Variants in ANKRD63 observed in about 807,000 individuals in gnomAD.
The protein encoded by ANKRD63 is ankyrin repeat domain-containing protein 63.
In ANKRD63, 18 loss-of-function variants were observed where a neutral mutation model predicts 21.2. That is an observed-to-expected ratio of 0.85 (90% CI 0.59 to 1.26). The LOEUF (loss-of-function observed/expected upper bound fraction) is 1.26, where lower values mean the gene tolerates loss of function less well. ANKRD63 is among the 50% of genes most tolerant of loss of function. The probability of loss-of-function intolerance (pLI) is 0.00; values close to 1 mark genes in which losing one functional copy is unlikely to be tolerated. For synonymous variants in ANKRD63, 322 were observed against 273.3 expected, an observed-to-expected ratio of 1.18 and a Z score of -1.76; for missense variants, 523 against 570.9, an observed-to-expected ratio of 0.92 and a Z score of 0.85.
Position 40,281,452 on chromosome 15 carries a change from G to A in ANKRD63, c.1135C>T (p.Gln379Ter). The change falls in exon 1 of 1, where the codon CAG becomes TAG. Residue 379 changes from glutamine to a stop codon, truncating the protein, a stop_gained. Transcript: ENST00000434396. LOFTEE classifies it high-confidence loss of function. ...AGTEAVVLRA[Q>*]R ...TCGGGCCTTGGCGCCGTTTACCGCT[G>A]AGCACGCAGCACCACAGCCTCGGTG... 1 of 1,412,142 alleles carries A rather than the reference G, an allele frequency of 7.1e-7. No homozygotes were observed. The highest frequency in any genetic ancestry group is 9.2e-7 in the Non-Finnish European group (1 of 1,088,078). 87.5% of individuals were successfully genotyped at this position (1,412,142 alleles called of 1,614,324 possible).
At position 40,281,738 on chromosome 15, in the gene ANKRD63, C is replaced by A. The variant is rs1013156683; in HGVS notation, c.849G>T (p.Ser283=). The change falls in exon 1 of 1, where the codon TCG becomes TCT. Residue 283 remains serine, a synonymous_variant. Transcript: ENST00000434396. ...ACCGCCCAGTCCCCGAAGACTGGGGCGAGTTTGGTAGGGCCATCAGGGCCC... is the reference window on the plus strand; with the variant it reads ...ACCGCCCAGTCCCCGAAGACTGGGGAGAGTTTGGTAGGGCCATCAGGGCCC... The part of the protein sequence containing the change: ...RAGALMALPN[S]PQSSGTGRWR... 63 of 1,535,006 alleles carry A rather than the reference C, an allele frequency of 4.1e-5. No homozygotes were observed. In the African/African-American group the frequency reaches 7.8e-4, roughly 19 times the overall value.
chr15:40,282,394 G>T lies in ANKRD63; in HGVS notation c.193C>A (p.Arg65Ser). The change falls in exon 1 of 1, where the codon CGC becomes AGC. Residue 65 changes from arginine (R) to serine (S), a missense_variant. Coordinates refer to ENST00000434396, the MANE Select transcript of ANKRD63 (RefSeq NM_001190479.3). ...TGCTCGAGCAGCAGCCGCACGAAGC[G>T]CGCGCGCAGCGCGGGGTCCGGCAGC... is the stretch of plus-strand genomic sequence containing the variant. ...VGLPDPALRA[R>S]FVRLLLEQGA... is the part of the protein sequence containing the mutation. The T allele has an allele frequency of 6.7e-7, 1 of 1,499,250 alleles. No homozygotes were observed. The highest frequency in any genetic ancestry group is 8.8e-7 in the Non-Finnish European group (1 of 1,133,464). The allele number at this position is 1,499,250 out of a possible 1,614,324, so 92.9% of individuals were successfully genotyped here. A position where few individuals can be genotyped will look rare whatever the true frequency, so the allele number is the denominator to read the frequency against.
chr15:40,279,574 G>A lies in ANKRD63; in HGVS notation c.*1870C>T, dbSNP rs2039519454. Among the ~76,000 whole-genome samples, 1 of 152,208 alleles carries A rather than the reference G, an allele frequency of 6.6e-6. No individual in the cohort carries two copies. The highest frequency in any genetic ancestry group is 1.5e-5 in the Non-Finnish European group (1 of 68,028). Reference sequence around the variant, plus strand: ...GGGAGGGCCCAGCGCTGCCACCAGGGGGCACCAGAGATCACGTCCAGTGCG... The same window carrying A: ...GGGAGGGCCCAGCGCTGCCACCAGGAGGCACCAGAGATCACGTCCAGTGCG... On this transcript the variant is annotated 3_prime_UTR_variant, in exon 1 of 1. Transcript: ENST00000434396.
At position 40,278,497 on chromosome 15, in the gene ANKRD63, T is replaced by A. The variant is rs2039506995; in HGVS notation, c.*2947A>T. On this transcript the variant is annotated 3_prime_UTR_variant, in exon 1 of 1. Transcript: ENST00000434396. ...CTCACACACACACCACTTCTGATCT[T>A]AGGGTACCAAGTGCCAGCATCCTGG... is the stretch of plus-strand genomic sequence containing the variant. Among the ~76,000 whole-genome samples, 2 of 152,174 alleles carry A rather than the reference T, an allele frequency of 1.3e-5. No homozygotes were observed. Among genetic ancestry groups the A allele is most frequent in the African/African-American group, 2.4e-5 (1 of 41,432 alleles).
In ANKRD63 at chr15:40,280,492, G is replaced by A. The variant is rs1230625440; in HGVS notation, c.*952C>T. Among the ~76,000 whole-genome samples, 1 of 152,266 alleles carries A rather than the reference G, an allele frequency of 6.6e-6. No homozygotes were observed. The highest frequency in any genetic ancestry group is 2.4e-5 in the African/African-American group (1 of 41,470). On this transcript the variant is annotated 3_prime_UTR_variant, in exon 1 of 1. Transcript: ENST00000434396. ...ACAATTAAGCACAGCCTTCGCAACCGTTCCACCCCGCGGGAGCACCCACGT... is the reference window on the plus strand; with the variant it reads ...ACAATTAAGCACAGCCTTCGCAACCATTCCACCCCGCGGGAGCACCCACGT...
In ANKRD63 at chr15:40,279,548, G is replaced by A. The variant is rs550461436; in HGVS notation, c.*1896C>T. 5.3e-4 allele frequency among the ~76,000 whole-genome samples: 80 copies of A among 152,332 alleles called. 1 individual carries two copies. The South Asian group carries it at 0.016, about 30-fold the overall frequency. ...TCTGAGCTCCGAGCCGGGGCGCAGC[G>A]GGGAGGGCCCAGCGCTGCCACCAGG... On this transcript the variant is annotated 3_prime_UTR_variant, in exon 1 of 1. Transcript: ENST00000434396.
chr15:40,282,653 G>T lies in ANKRD63; in HGVS notation c.-67C>A. ...GGGGGCGCCCCTGTTCTCGCGCCCC[G>T]CGGGGCTCCGGCCTCCGCCCGCGCT... On this transcript the variant is annotated 5_prime_UTR_variant, in exon 1 of 1. Transcript: ENST00000434396. 8.0e-7 allele frequency: 1 copy of T among 1,245,752 alleles called. No individual in the cohort carries two copies. Among genetic ancestry groups the T allele is most frequent in the Non-Finnish European group, 1.0e-6 (1 of 965,068 alleles). 77.2% of individuals were successfully genotyped at this position (1,245,752 alleles called of 1,614,324 possible). A position where few individuals can be genotyped will look rare whatever the true frequency, so the allele number is the denominator to read the frequency against.
rs544618515 is a variant in ANKRD63, at chr15:40,279,532, C to G, written c.*1912G>C. ...AAAGAAAACCAGGATGTCTGAGCTCCGAGCCGGGGCGCAGCGGGGAGGGCC... is the reference window on the plus strand; with the variant it reads ...AAAGAAAACCAGGATGTCTGAGCTCGGAGCCGGGGCGCAGCGGGGAGGGCC... On this transcript the variant is annotated 3_prime_UTR_variant, in exon 1 of 1. Transcript: ENST00000434396. 6.6e-6 allele frequency among the ~76,000 whole-genome samples: 1 copy of G among 152,192 alleles called. No homozygotes were observed. The highest frequency in any genetic ancestry group is 6.5e-5 in the Admixed American group (1 of 15,284).
chr15:40,281,298 G>T lies in ANKRD63; in HGVS notation c.*146C>A. 2 of 565,388 alleles carry T rather than the reference G, an allele frequency of 3.5e-6. No homozygotes were observed. Among genetic ancestry groups the T allele is most frequent in the Non-Finnish European group, 5.7e-6 (2 of 353,748 alleles). 35.0% of individuals were successfully genotyped at this position (565,388 alleles called of 1,614,324 possible). On this transcript the variant is annotated 3_prime_UTR_variant, in exon 1 of 1. Transcript: ENST00000434396. Reference sequence around the variant, plus strand: ...GTCCCTTATTTCTGGTGGAGGGCTGGTGGAGGTCTCGCCTTGGCAGGGAGG... The same window carrying T: ...GTCCCTTATTTCTGGTGGAGGGCTGTTGGAGGTCTCGCCTTGGCAGGGAGG...
rs2039562696 is a variant in ANKRD63 at position 40,282,902 on chromosome 15, C to T, written c.-316G>A. Among the ~76,000 whole-genome samples, 1 of 152,174 alleles carries T rather than the reference C, an allele frequency of 6.6e-6. No homozygotes were observed. The highest frequency in any genetic ancestry group is 2.1e-4 in the South Asian group (1 of 4,836). On this transcript the variant is annotated 5_prime_UTR_variant, in exon 1 of 1. Coordinates refer to ENST00000434396, the MANE Select transcript of ANKRD63 (RefSeq NM_001190479.3). Reference sequence around the variant, plus strand: ...CGGGAGCAGAGACTCGACCCTCTCCCGAGTCTCTCGCCGCTTTCCCGGTGT... The same window carrying T: ...CGGGAGCAGAGACTCGACCCTCTCCTGAGTCTCTCGCCGCTTTCCCGGTGT...
chr15:40,278,844 T>C lies in ANKRD63; in HGVS notation c.*2600A>G, dbSNP rs2141002314. On this transcript the variant is annotated 3_prime_UTR_variant, in exon 1 of 1. Transcript: ENST00000434396. The stretch of plus-strand genomic sequence containing the variant: ...CCACAGAGAAGAGCCCTCATGGTTG[T>C]TTATCCAGTCAAGAGGGCCCAGGGT... 6.6e-6 allele frequency among the ~76,000 whole-genome samples: 1 copy of C among 152,138 alleles called. No individual in the cohort carries two copies. The highest frequency in any genetic ancestry group is 2.4e-5 in the African/African-American group (1 of 41,520).
chr15:40,282,388 C>T lies in ANKRD63; in HGVS notation c.199G>A (p.Val67Met), dbSNP rs998272734. 5.7e-5 allele frequency: 86 copies of T among 1,498,162 alleles called. No individual in the cohort carries two copies. Among genetic ancestry groups the T allele is most frequent in the Non-Finnish European group, 7.5e-5 (85 of 1,133,060 alleles). 92.8% of individuals were successfully genotyped at this position (1,498,162 alleles called of 1,614,324 possible). A position where few individuals can be genotyped will look rare whatever the true frequency, so the allele number is the denominator to read the frequency against. ...GCACCCTGCTCGAGCAGCAGCCGCA[C>T]GAAGCGCGCGCGCAGCGCGGGGTCC... ...LPDPALRARF[V>M]RLLLEQGAAV... Residue 67 changes from valine to methionine, a missense_variant, in exon 1 of 1, where the codon GTG (valine) becomes ATG (methionine). By Grantham distance (21) the Val-to-Met change is conservative. Around this residue, in one of 2 missense-constraint regions of ANKRD63, gnomAD observed 215 missense variants for 280.4 expected, o/e 0.77. Transcript: ENST00000434396.
rs1458122536 is a variant in ANKRD63 at position 40,278,759 on chromosome 15, G to A, written c.*2685C>T. On this transcript the variant is annotated 3_prime_UTR_variant, in exon 1 of 1. Transcript: ENST00000434396. Reference sequence around the variant, plus strand: ...TCAGACACACGATGCAGTTCAGACAGGAAAGAGCCGCTGCAGTTGTTTAGA... The same window carrying A: ...TCAGACACACGATGCAGTTCAGACAAGAAAGAGCCGCTGCAGTTGTTTAGA... 6.6e-6 allele frequency among the ~76,000 whole-genome samples: 1 copy of A among 152,170 alleles called. No homozygotes were observed. The highest frequency in any genetic ancestry group is 2.4e-5 in the African/African-American group (1 of 41,440).
Position 40,281,513 on chromosome 15 carries a change from A to C in ANKRD63, c.1074T>G (p.Ser358=). Reference sequence around the variant, plus strand: ...AAGGGTTCGGCCCAGGCACCGAGACAGACAGAGCGTTGGCCTCTAACTCCG... The same window carrying C: ...AAGGGTTCGGCCCAGGCACCGAGACCGACAGAGCGTTGGCCTCTAACTCCG... The part of the protein sequence containing the change: ...SGPELEANAL[S]VSVPGPNPWQ... Residue 358 remains serine, a synonymous_variant, in exon 1 of 1, where the codon TCT becomes TCG. Coordinates refer to ENST00000434396, the MANE Select transcript of ANKRD63 (RefSeq NM_001190479.3). The C allele has an allele frequency of 6.7e-7, 1 of 1,500,640 alleles. No individual in the cohort carries two copies. Among genetic ancestry groups the C allele is most frequent in the Non-Finnish European group, 8.9e-7 (1 of 1,129,434 alleles). 93.0% of individuals were successfully genotyped at this position (1,500,640 alleles called of 1,614,324 possible).
chr15:40,280,143 G>A lies in ANKRD63; in HGVS notation c.*1301C>T, dbSNP rs532657564. 7.2e-5 allele frequency among the ~76,000 whole-genome samples: 11 copies of A among 152,372 alleles called. No individual in the cohort carries two copies. The East Asian group carries it at 1.5e-3, about 21-fold the overall frequency. On this transcript the variant is annotated 3_prime_UTR_variant, in exon 1 of 1. Transcript: ENST00000434396. ...CGTCCCACGCGGTAGGACCAAGGCA[G>A]GAGTCCCGGGTCTCGAACTCTAGCA...
rs1200844376 is a variant in ANKRD63, at chr15:40,282,606, G to A, written c.-20C>T. 2 of 1,372,066 alleles carry A rather than the reference G, an allele frequency of 1.5e-6. No individual in the cohort carries two copies. The highest frequency in any genetic ancestry group is 1.9e-6 in the Non-Finnish European group (2 of 1,068,680). 85.0% of individuals were successfully genotyped at this position (1,372,066 alleles called of 1,614,324 possible). A position where few individuals can be genotyped will look rare whatever the true frequency, so the allele number is the denominator to read the frequency against. ...GAGCATGGCCCCGGCCGCCGCGCCC[G>A]GGCAGCCTGGCAGTTCCGCACGGGG... is the stretch of plus-strand genomic sequence containing the variant. On this transcript the variant is annotated 5_prime_UTR_variant, in exon 1 of 1. Coordinates refer to ENST00000434396, the MANE Select transcript of ANKRD63 (RefSeq NM_001190479.3).
In ANKRD63 at chr15:40,281,532, A is replaced by G; in HGVS notation, c.1055T>C (p.Leu352Ser). 2 of 1,525,438 alleles carry G rather than the reference A, an allele frequency of 1.3e-6. No individual in the cohort carries two copies. Among genetic ancestry groups the G allele is most frequent in the Non-Finnish European group, 1.8e-6 (2 of 1,141,614 alleles). The allele number at this position is 1,525,438 out of a possible 1,614,324, so 94.5% of individuals were successfully genotyped here. Reference sequence around the variant, plus strand: ...CGAGACAGACAGAGCGTTGGCCTCTAACTCCGGGCCACTCTCGGGCCCTGG... The same window carrying G: ...CGAGACAGACAGAGCGTTGGCCTCTGACTCCGGGCCACTCTCGGGCCCTGG... ...EAPGPESGPE[L>S]EANALSVSVP... Residue 352 changes from leucine to serine, a missense_variant, in exon 1 of 1, where the codon TTA becomes TCA. By Grantham distance (145) the Leu-to-Ser change is moderately radical. Coordinates refer to ENST00000434396, the MANE Select transcript of ANKRD63 (RefSeq NM_001190479.3).
At position 40,281,977 on chromosome 15, in the gene ANKRD63, G is replaced by T. The variant is rs112642431; in HGVS notation, c.610C>A (p.Pro204Thr). 3.3e-6 allele frequency: 4 copies of T among 1,221,694 alleles called. No homozygotes were observed. Among genetic ancestry groups the T allele is most frequent in the Non-Finnish European group, 2.0e-6 (2 of 984,054 alleles). The allele number at this position is 1,221,694 out of a possible 1,614,324, so 75.7% of individuals were successfully genotyped here. The change falls in exon 1 of 1, where the codon CCC (proline) becomes ACC (threonine). Residue 204 changes from proline (P) to threonine (T), a missense_variant. Around this residue, in one of 2 missense-constraint regions of ANKRD63, gnomAD observed 308 missense variants for 290.4 expected, o/e 1.06. Transcript: ENST00000434396. ...PPGRPAPAAS[P>T]EHRRPSPRRL... ...CGGGGGCTGGGTCGTCGATGCTCGG[G>T]GCTGGCCGCGGGGGCCGGGCGGCCA...
chr15:40,281,979 C>A lies in ANKRD63; in HGVS notation c.608G>T (p.Ser203Ile). 8.2e-7 allele frequency: 1 copy of A among 1,220,936 alleles called. No individual in the cohort carries two copies. The highest frequency in any genetic ancestry group is 1.0e-6 in the Non-Finnish European group (1 of 984,224). 75.6% of individuals were successfully genotyped at this position (1,220,936 alleles called of 1,614,324 possible). A position where few individuals can be genotyped will look rare whatever the true frequency, so the allele number is the denominator to read the frequency against. ...SPPGRPAPAA[S>I]PEHRRPSPRR... ...GGGGCTGGGTCGTCGATGCTCGGGG[C>A]TGGCCGCGGGGGCCGGGCGGCCAGG... Residue 203 changes from serine (S) to isoleucine (I), a missense_variant, in exon 1 of 1, where the codon AGC becomes ATC. Ser to Ile is a moderately radical substitution (Grantham distance 142, BLOSUM62 -2). Coordinates refer to ENST00000434396, the MANE Select transcript of ANKRD63 (RefSeq NM_001190479.3).
Sources: gnomAD v4.1 joint callset for allele counts (sites outside exome capture counted in the v4.1 genomes callset) on GRCh38, gnomAD v4.1.1 for gene constraint, gnomAD v4.1.1 regional missense constraint, MANE v1.5 for transcripts, NCBI Gene and HGNC (gene_info 2026-07-23, HGNC 2026-07-21) for gene names.